IGFBP2: variants seen among roughly 807,000 people sequenced by gnomAD.
The protein encoded by IGFBP2 is insulin like growth factor binding protein 2, also known as insulin-like growth factor-binding protein 2.
IGFBP2 carries 12 observed loss-of-function variants against 26.2 expected under a neutral mutation model. The observed-to-expected ratio is 0.46, with a 90% CI of 0.29 to 0.74. IGFBP2 has a LOEUF of 0.74. Among genes scored for constraint, IGFBP2 ranks in the 30% least tolerant of loss-of-function variants. The probability of loss-of-function intolerance (pLI) is 0.09; values close to 1 mark genes in which losing one functional copy is unlikely to be tolerated. For synonymous variants in IGFBP2, 189 were observed against 200.6 expected (o/e 0.94, Z 0.49); for missense variants, 328 against 441.2 (o/e 0.74, Z 2.30).
chr2:216,655,129 C>T (rs924233873), intron 1 of IGFBP2, among the ~76,000 whole-genome samples: 1 of 152,160 alleles, frequency 6.6e-6, no homozygotes, highest in Non-Finnish European at 1.5e-5. Context: ...CTCACTGCAG[C>T]CTCTAACCCC....
intron 1 of IGFBP2, among the ~76,000 whole-genome samples, chr2:216,653,712 G>T (rs1198031323): frequency 6.6e-6 from 1 of 152,140 alleles, no homozygotes; most frequent in Non-Finnish European, 1.5e-5. Flanking sequence ...CCAAGGCAGG[G>T]GTGGGAGTTC....
At chr2:216,659,439 G>C (rs1697986774) in intron 1 of IGFBP2, among the ~76,000 whole-genome samples, 1 of 152,240 alleles carries the variant, frequency 6.6e-6, no homozygotes, top group South Asian at 2.1e-4. Context: ...CAGGAGAGCA[G>C]CTCTGGGTGG....
chr2:216,659,968 G>A (rs1436917986), intron 1 of IGFBP2, among the ~76,000 whole-genome samples: 5 of 152,116 alleles, frequency 3.3e-5, no homozygotes, highest in South Asian at 2.1e-4. Context: ...TCTGGGTGGC[G>A]ACGTGGCCTT....
At chr2:216,660,468 C>T (rs1574567957) in intron 1 of IGFBP2, 89 bp from the exon 2 acceptor site, 2 of 924,502 alleles carry the variant, frequency 2.2e-6, no homozygotes, top group Non-Finnish European at 3.2e-6. Context: ...TCTCCACCCT[C>T]ATCATCATTA....
intron 1 of IGFBP2, among the ~76,000 whole-genome samples, chr2:216,654,042 TAATA>T (rs1697873720): frequency 6.6e-6 from 1 of 152,196 alleles, no homozygotes; most frequent in African/African-American, 2.4e-5. Context: ...AGTGGTTGCT[TAATA>T]AATATTATTC....
In IGFBP2 at chr2:216,633,956, C is replaced by A; in HGVS notation, c.433C>A (p.Gln145Lys). The change falls in exon 1 of 4, where the codon CAG becomes AAG. Residue 145 changes from glutamine (Q) to lysine (K), a missense_variant. Transcript: ENST00000233809. ...RDAEYGASPE[Q>K]VADNGDDHSE... ...CGCCGAGTATGGCGCCAGCCCGGAG[C>A]AGGTTGCAGGTAACGCGGTCTGGAA... 1 of 1,600,270 alleles carries A rather than the reference C, an allele frequency of 6.2e-7. No homozygotes were observed. Among genetic ancestry groups the A allele is most frequent in the Middle Eastern group, 1.7e-4 (1 of 5,882 alleles).
chr2:216,662,165 G>C lies in IGFBP2; in HGVS notation c.813+167G>C, dbSNP rs1688667258. On this transcript the variant is annotated intron_variant, in intron 3 of 3. Coordinates refer to ENST00000233809, the MANE Select transcript of IGFBP2 (RefSeq NM_000597.3). Reference sequence around the variant, plus strand: ...GGGATGCCAGCTGCCAGGCCGGGGAGGGTGCAGCTCTTCTCCCTGCCTCCG... The same window carrying C: ...GGGATGCCAGCTGCCAGGCCGGGGACGGTGCAGCTCTTCTCCCTGCCTCCG... The C allele has an allele frequency of 1.1e-5, 8 of 760,692 alleles. No individual in the cohort carries two copies. In the Admixed American group the frequency reaches 1.6e-4, roughly 15 times the overall value. The allele number at this position is 760,692 out of a possible 1,614,324, so 47.1% of individuals were successfully genotyped here. A position where few individuals can be genotyped will look rare whatever the true frequency, so the allele number is the denominator to read the frequency against.
intron 1 of IGFBP2, among the ~76,000 whole-genome samples, chr2:216,640,178 T>C (rs894375494): frequency 6.6e-6 from 1 of 152,064 alleles, no homozygotes; most frequent in African/African-American, 2.4e-5. Context: ...GTGGAAAATA[T>C]AGTGGTCTCA....
intron 1 of IGFBP2, 77 bp from the exon 2 acceptor site, chr2:216,660,480 G>T (rs574877312): frequency 3.5e-5 from 37 of 1,051,658 alleles, no homozygotes; most frequent in African/African-American, 2.4e-4. Context: ...TCATCATTAC[G>T]GTCCAGGTGG....
chr2:216,636,929 G>GGCA (rs1574552372), intron 1 of IGFBP2, among the ~76,000 whole-genome samples: 341 of 11,246 alleles, frequency 0.03, 1 homozygote, highest in African/African-American at 0.059. Context: ...GCAGGCAGGC[G>GGCA]GGCGGGCGGG....
At chr2:216,633,242 C>G (rs9341095), upstream of IGFBP2, among the ~76,000 whole-genome samples, 1 of 152,074 alleles carries the variant, frequency 6.6e-6, no homozygotes, top group Non-Finnish European at 1.5e-5. Flanking sequence ...CCGGGAAGAG[C>G]AGGGAACCCC....
At chr2:216,646,751 T>C (rs1697716697) in intron 1 of IGFBP2, among the ~76,000 whole-genome samples, 1 of 152,194 alleles carries the variant, frequency 6.6e-6, no homozygotes, top group Non-Finnish European at 1.5e-5. Flanking sequence ...ACTTGTTCAC[T>C]ATCACGAGAA....
intron 1 of IGFBP2, among the ~76,000 whole-genome samples, chr2:216,649,750 C>T (rs772704146): frequency 1.2e-4 from 19 of 152,168 alleles, no homozygotes; most frequent in Non-Finnish European, 2.5e-4. Flanking sequence ...CAGGTCTTTG[C>T]AATTCCAGGA....
chr2:216,656,006 T>C (rs75782984), intron 1 of IGFBP2, among the ~76,000 whole-genome samples: 12 of 152,202 alleles, frequency 7.9e-5, no homozygotes, highest in African/African-American at 2.4e-4. Context: ...ATTTTTTTTT[T>C]CTGATGTTAA....
rs1698022125 is a variant in IGFBP2 at position 216,660,664 on chromosome 2, G to A, written c.550G>A (p.Gly184Ser). The stretch of plus-strand genomic sequence containing the variant: ...TGCTGGCCGGAAGCCCCTCAAGTCG[G>A]GTATGAAGGAGCTGGCCGTGTTCCG... ...GSAGRKPLKSGMKELAVFREK... is the reference protein window; with the variant it reads ...GSAGRKPLKSSMKELAVFREK... The change falls in exon 2 of 4, where the codon GGT becomes AGT. Residue 184 changes from glycine (G) to serine (S), a missense_variant. Gly to Ser is a moderately conservative substitution (Grantham distance 56). Transcript: ENST00000233809. 6.2e-7 allele frequency: 1 copy of A among 1,614,140 alleles called. No homozygotes were observed. The highest frequency in any genetic ancestry group is 8.5e-7 in the Non-Finnish European group (1 of 1,180,032).
chr2:216,649,445 C>T (rs1056085355), intron 1 of IGFBP2, among the ~76,000 whole-genome samples: 2 of 152,210 alleles, frequency 1.3e-5, no homozygotes, highest in Non-Finnish European at 2.9e-5. Flanking sequence ...GGGTCAGGCA[C>T]ATTCTTCCCA....
chr2:216,639,421 C>G (rs1559174667), intron 1 of IGFBP2, among the ~76,000 whole-genome samples: 1 of 151,976 alleles, frequency 6.6e-6, no homozygotes, highest in African/African-American at 2.4e-5. Flanking sequence ...TGATGCCTGG[C>G]AGGATAGGAC....
intron 1 of IGFBP2, among the ~76,000 whole-genome samples, chr2:216,639,047 C>G (rs1697561187): frequency 1.6e-5 from 2 of 127,986 alleles, no homozygotes; most frequent in African/African-American, 6.0e-5. Context: ...GAGTCTTGCT[C>G]CGTCGCCCAG....
chr2:216,649,191 AG>A (rs1171895525), intron 1 of IGFBP2, among the ~76,000 whole-genome samples: 8 of 152,288 alleles, frequency 5.3e-5, no homozygotes, highest in Middle Eastern at 6.8e-3. Context: ...ATGCACATAA[AG>A]GTTTTATTTT....
Sources: gnomAD v4.1 joint callset for allele counts (sites outside exome capture counted in the v4.1 genomes callset) on GRCh38, gnomAD v4.1.1 for gene constraint, MANE v1.5 for transcripts, NCBI Gene and HGNC (gene_info 2026-07-23, HGNC 2026-07-21) for gene names.